The following NR1I3 variants were observed in gnomAD, a reference collection of about 807,000 sequenced individuals.
NR1I3 encodes nuclear receptor subfamily 1 group I member 3.
Under a neutral mutation model 38.4 loss-of-function variants are expected in NR1I3, and 30 were observed. The observed-to-expected ratio is 0.78, with a 90% confidence interval of 0.58 to 1.06. The LOEUF is 1.06. Among genes scored for constraint, NR1I3 ranks in the 50% least tolerant of loss-of-function variants. The pLI is 0.00. For missense variants in NR1I3, 388 were observed against 435.7 expected (o/e 0.89, Z 0.97); for synonymous variants, 143 against 165.1 (o/e 0.87, Z 1.03).
At chr1:161,232,755 A>AT in intron 5 of NR1I3, 52 bp downstream of exon 5, 1 of 1,584,112 alleles carries the variant, frequency 6.3e-7, no homozygotes, top group East Asian at 2.2e-5. Flanking sequence ...CGGGGTGGAT[A>AT]TACAATTTAC....
rs1275208900 is a variant in NR1I3 at position 161,230,572 on chromosome 1, T to A, written c.917+241A>T. 5.1e-6 allele frequency: 3 copies of A among 590,784 alleles called. 1 individual carries two copies. The South Asian group carries it at 6.4e-5, about 13-fold the overall frequency. The allele number at this position is 590,784 out of a possible 1,614,324, so 36.6% of individuals were successfully genotyped here. A position where few individuals can be genotyped will look rare whatever the true frequency, so the allele number is the denominator to read the frequency against. ...ACCCAGAGCCTCTGAGCTACTACTT[T>A]GCATCTGTACTGAATAAAAAAAAAA... On this transcript the variant is annotated intron_variant, in intron 8 of 8. Transcript: ENST00000367983.
chr1:161,230,524 T>A (rs1666928579), intron 8 of NR1I3: 2 of 547,154 alleles, frequency 3.7e-6, no homozygotes, highest in East Asian at 6.1e-5. Context: ...GTAATGGATG[T>A]CATCAATCTC....
intron 2 of NR1I3, 42 bp from the exon 3 acceptor site, chr1:161,236,019 G>T: frequency 6.5e-7 from 1 of 1,548,774 alleles, no homozygotes; most frequent in Non-Finnish European, 8.7e-7. Context: ...GGATGCAATG[G>T]ATAGGTGAGG....
rs769343586 is a variant in NR1I3, at chr1:161,238,044, C to T, written c.-37G>A. 1 of 1,613,768 alleles carries T rather than the reference C, an allele frequency of 6.2e-7. No individual in the cohort carries two copies. Among genetic ancestry groups the T allele is most frequent in the Non-Finnish European group, 8.5e-7 (1 of 1,179,678 alleles). On this transcript the variant is annotated 5_prime_UTR_variant, in exon 1 of 9. Coordinates refer to ENST00000367983, the MANE Select transcript of NR1I3 (RefSeq NM_005122.5). The stretch of plus-strand genomic sequence containing the variant: ...TGGTCCCCAACAGATTTCCTACCTG[C>T]TTCTCTTAGGCAGCATGTCACCTGC...
intron 5 of NR1I3, among the ~76,000 whole-genome samples, chr1:161,232,230 C>G (rs976961504): frequency 7.2e-5 from 11 of 152,006 alleles, no homozygotes; most frequent in Admixed American, 3.9e-4. Context: ...AAGTGATCCA[C>G]CCACCTTGGC....
chr1:161,229,728 C>G lies in NR1I3; in HGVS notation c.*69G>C, dbSNP rs3813629. On this transcript the variant is annotated 3_prime_UTR_variant, in exon 9 of 9. Transcript: ENST00000367983. ...CTTTGAACCCGGCCCAATCTTTGGT[C>G]CCAGCATTTTCCCACTCCAGTGTAT... The G allele has an allele frequency of 1.2e-5, 19 of 1,614,070 alleles. No homozygotes were observed. The highest frequency in any genetic ancestry group is 5.0e-5 in the Admixed American group (3 of 60,000).
At chr1:161,233,362 CAA>C in intron 3 of NR1I3, 24 bp from the exon 4 acceptor site, 1 of 1,608,064 alleles carries the variant, frequency 6.2e-7, no homozygotes, top group East Asian at 2.2e-5. Context: ...GAGATCATGA[CAA>C]AGCTGTTGAG....
intron 1 of NR1I3, 31 bp from the exon 2 acceptor site, chr1:161,236,629 T>G: frequency 6.2e-7 from 1 of 1,603,258 alleles, no homozygotes; most frequent in Non-Finnish European, 8.5e-7. Flanking sequence ...CAGTCAGTTT[T>G]GGGCCACCCT....
intron 3 of NR1I3, among the ~76,000 whole-genome samples, chr1:161,233,942 T>C (rs1260556632): frequency 6.9e-6 from 1 of 144,162 alleles, no homozygotes; most frequent in African/African-American, 2.5e-5. Flanking sequence ...TATACATGTA[T>C]ATATGTGTAT....
Position 161,238,020 on chromosome 1 carries a change from G to T in NR1I3, c.-34+21C>A, listed in dbSNP as rs367730184. On this transcript the variant is annotated intron_variant, in intron 1 of 8. Coordinates refer to ENST00000367983, the MANE Select transcript of NR1I3 (RefSeq NM_005122.5). The stretch of plus-strand genomic sequence containing the variant: ...CTGTATTTTATTACATTTAGTCTTT[G>T]GTCCCCAACAGATTTCCTACCTGCT... 64 of 1,601,310 alleles carry T rather than the reference G, an allele frequency of 4.0e-5. 1 individual carries two copies. The African/African-American group carries it at 6.7e-4, about 17-fold the overall frequency.
intron 1 of NR1I3, among the ~76,000 whole-genome samples, chr1:161,237,057 G>A (rs966388724): frequency 6.6e-6 from 1 of 151,696 alleles, no homozygotes; most frequent in Non-Finnish European, 1.5e-5. Flanking sequence ...GTGCATCATA[G>A]TTCAATGTAA....
chr1:161,232,679 C>A (rs1389847381), intron 5 of NR1I3, 128 bp downstream of exon 5: 6 of 911,550 alleles, frequency 6.6e-6, no homozygotes, highest in Non-Finnish European at 1.0e-5. Context: ...AAAACCAAAG[C>A]TGGGAATTCA....
chr1:161,233,277 C>T lies in NR1I3; in HGVS notation c.300G>A (p.Gln100=). ...CCTTACTCAGTTGCACAGGTGTTTGCTGTGCCCGCCGCTGGGCCTGCTTTG... is the reference window on the plus strand; with the variant it reads ...CCTTACTCAGTTGCACAGGTGTTTGTTGTGCCCGCCGCTGGGCCTGCTTTG... ...RRAKQAQRRA[Q]QTPVQLSKEQ... The change falls in exon 4 of 9, where the codon CAG becomes CAA. Residue 100 remains glutamine, a synonymous_variant. Transcript: ENST00000367983. The T allele has an allele frequency of 6.2e-7, 1 of 1,613,832 alleles. No individual in the cohort carries two copies. The highest frequency in any genetic ancestry group is 8.5e-7 in the Non-Finnish European group (1 of 1,180,014).
At chr1:161,233,897 G>GTATATATATGTGTATATA (rs1182385648) in intron 3 of NR1I3, among the ~76,000 whole-genome samples, 1 of 147,200 alleles carries the variant, frequency 6.8e-6, no homozygotes, top group Non-Finnish European at 1.5e-5. Context: ...GTATATGTGT[G>GTATATATATGTGTATATA]TGTATATATA....
chr1:161,232,970 A>G, intron 4 of NR1I3, 24 bp from the exon 5 acceptor site: 1 of 1,613,758 alleles, frequency 6.2e-7, no homozygotes, highest in South Asian at 1.1e-5. Context: ...AACATTAGCT[A>G]GAGGCTCTGG....
At chr1:161,230,941 G>T (rs1244196977) in intron 7 of NR1I3, 23 bp from the exon 8 acceptor site, 2 of 1,613,738 alleles carry the variant, frequency 1.2e-6, no homozygotes, top group East Asian at 4.5e-5. Context: ...GAGCTGGGAA[G>T]GACAAGTTGG....
Position 161,229,743 on chromosome 1 carries a change from C to T in NR1I3, c.*54G>A. 5.0e-6 allele frequency: 8 copies of T among 1,614,266 alleles called. No individual in the cohort carries two copies. The highest frequency in any genetic ancestry group is 6.8e-6 in the Non-Finnish European group (8 of 1,180,052). On this transcript the variant is annotated 3_prime_UTR_variant, in exon 9 of 9. Coordinates refer to ENST00000367983, the MANE Select transcript of NR1I3 (RefSeq NM_005122.5). ...AATCTTTGGTCCCAGCATTTTCCCA[C>T]TCCAGTGTATCCAGGGTGTTCCAGG...
chr1:161,229,719 A>G lies in NR1I3; in HGVS notation c.*78T>C, dbSNP rs1666658473. On this transcript the variant is annotated 3_prime_UTR_variant, in exon 9 of 9. Transcript: ENST00000367983. ...CTGGGCTCCCTTTGAACCCGGCCCA[A>G]TCTTTGGTCCCAGCATTTTCCCACT... 6.2e-7 allele frequency: 1 copy of G among 1,614,210 alleles called. No homozygotes were observed. The highest frequency in any genetic ancestry group is 1.3e-5 in the African/African-American group (1 of 75,052).
intron 3 of NR1I3, among the ~76,000 whole-genome samples, chr1:161,234,705 C>T (rs1321525683): frequency 6.6e-6 from 1 of 152,194 alleles, no homozygotes; most frequent in African/African-American, 2.4e-5. Flanking sequence ...CGTGCTCGGC[C>T]TGCACAAGTT....
Sources: allele counts gnomAD v4.1 joint callset (sites outside exome capture counted in the v4.1 genomes callset), GRCh38; gene constraint gnomAD v4.1.1; transcripts MANE v1.5; gene names NCBI Gene and HGNC (gene_info 2026-07-23, HGNC 2026-07-21).